Variants in NHLRC2 observed in about 807,000 individuals in gnomAD.
The protein encoded by NHLRC2 is NHL repeat-containing protein 2.
In NHLRC2, 33 loss-of-function variants were observed where a neutral mutation model predicts 68.1. The ratio of observed to expected loss-of-function variants is 0.48; its 90% CI spans 0.37 to 0.65. NHLRC2 has a LOEUF of 0.65. NHLRC2 is among the 30% of genes least tolerant of loss of function. The pLI, the probability that NHLRC2 is intolerant of heterozygous loss-of-function variation, is 0.00. For missense variants in NHLRC2, 761 were observed against 853.8 expected (o/e 0.89, Z 1.35); for synonymous variants, 311 against 309.6 (o/e 1.00, Z -0.05).
In NHLRC2 at chr10:113,913,199, G is replaced by A. The variant is rs1460248134; in HGVS notation, c.*4663G>A. The A allele has an allele frequency of 6.6e-6, 1 of 152,106 alleles. No individual in the cohort carries two copies. The highest frequency in any genetic ancestry group is 1.5e-5 in the Non-Finnish European group (1 of 68,014). 9.4% of individuals were successfully genotyped at this position (152,106 alleles called of 1,614,324 possible). On this transcript the variant is annotated 3_prime_UTR_variant, in exon 11 of 11. Coordinates refer to ENST00000369301, the MANE Select transcript of NHLRC2 (RefSeq NM_198514.4). ...AATCACACATTTAGCGAGTGGCAGG[G>A]CCTGGATGGGAGTCTGTTCAACTCT...
intron 2 of NHLRC2, among the ~76,000 whole-genome samples, chr10:113,871,911 G>T (rs945692065): frequency 6.6e-6 from 1 of 152,150 alleles, no homozygotes; most frequent in Non-Finnish European, 1.5e-5. Context: ...TTCCCATAAA[G>T]GTTCTATTGC....
At chr10:113,858,755 A>G (rs1006735942) in intron 2 of NHLRC2, 75 bp downstream of exon 2, 15 of 1,011,524 alleles carry the variant, frequency 1.5e-5, no homozygotes, top group African/African-American at 4.9e-5. Flanking sequence ...TCATTAGCTC[A>G]TAGGAGAATG....
At chr10:113,896,464 AATGAG>A (rs1846178635) in intron 5 of NHLRC2, among the ~76,000 whole-genome samples, 1 of 143,696 alleles carries the variant, frequency 7.0e-6, no homozygotes, top group Admixed American at 7.4e-5. Flanking sequence ...GGAATTGAAC[AATGAG>A]AACACATGGA....
chr10:113,890,897 G>A (rs1241031966), intron 5 of NHLRC2, among the ~76,000 whole-genome samples: 1 of 152,148 alleles, frequency 6.6e-6, no homozygotes, highest in Non-Finnish European at 1.5e-5. Flanking sequence ...AGCAGAAGAT[G>A]AGGAGGAAAC....
In NHLRC2 at chr10:113,898,105, T is replaced by C; in HGVS notation, c.1040-5T>C. The C allele has an allele frequency of 6.3e-7, 1 of 1,579,140 alleles. No homozygotes were observed. The highest frequency in any genetic ancestry group is 8.7e-7 in the Non-Finnish European group (1 of 1,150,784). On this transcript the variant is annotated splice_polypyrimidine_tract_variant and splice_region_variant and intron_variant, in intron 5 of 10. Transcript: ENST00000369301. ...ATATAATAATAATGATTTATTTTTA[T>C]AAAGGTTCAGAGGTCCAAAGAGGTG...
intron 5 of NHLRC2, among the ~76,000 whole-genome samples, chr10:113,896,727 A>T (rs901389541): frequency 6.6e-6 from 1 of 152,140 alleles, no homozygotes; most frequent in Non-Finnish European, 1.5e-5. Flanking sequence ...ATGGTGGCTC[A>T]TGAGCGCCTG....
intron 8 of NHLRC2, 93 bp downstream of exon 8, chr10:113,902,686 A>T: frequency 9.4e-7 from 1 of 1,062,970 alleles, no homozygotes; most frequent in East Asian, 2.4e-5. Flanking sequence ...CTGCCACTCT[A>T]AAATATAGAA....
At chr10:113,899,653 G>C (rs1460363009) in intron 6 of NHLRC2, among the ~76,000 whole-genome samples, 2 of 152,018 alleles carry the variant, frequency 1.3e-5, no homozygotes, top group African/African-American at 4.8e-5. Context: ...GGTGCGGTGG[G>C]TCACGCCTGT....
At position 113,854,917 on chromosome 10, in the gene NHLRC2, C is replaced by T. The variant is rs754581706; in HGVS notation, c.45C>T (p.Leu15=). Reference sequence around the variant, plus strand: ...GGGGCCGCAGCCTCTCCGGCCTGCTCCCCGCGCAGACCTCGCTAGAGTACG... The same window carrying T: ...GGGGCCGCAGCCTCTCCGGCCTGCTTCCCGCGCAGACCTCGCTAGAGTACG... ...GGRGRSLSGL[L]PAQTSLEYAL... is the part of the protein sequence containing the mutation. The change falls in exon 1 of 11, where the codon CTC becomes CTT. Residue 15 remains leucine, a synonymous_variant. Coordinates refer to ENST00000369301, the MANE Select transcript of NHLRC2 (RefSeq NM_198514.4). The T allele has an allele frequency of 4.5e-6, 7 of 1,553,324 alleles. No homozygotes were observed. Among genetic ancestry groups the T allele is most frequent in the South Asian group, 3.6e-5 (3 of 84,190 alleles).
chr10:113,861,562 G>A (rs1845817139), intron 2 of NHLRC2, among the ~76,000 whole-genome samples: 1 of 152,170 alleles, frequency 6.6e-6, no homozygotes, highest in Admixed American at 6.5e-5. Flanking sequence ...CTGGCAAACT[G>A]TCCTTCAAAG....
intron 10 of NHLRC2, among the ~76,000 whole-genome samples, chr10:113,905,575 A>C (rs1846268713): frequency 6.6e-6 from 1 of 152,138 alleles, no homozygotes; most frequent in Non-Finnish European, 1.5e-5. Context: ...GTGGACAAAA[A>C]TTTTAAAGTG....
chr10:113,869,685 C>T (rs1387668159), intron 2 of NHLRC2, among the ~76,000 whole-genome samples: 2 of 152,034 alleles, frequency 1.3e-5, no homozygotes, highest in African/African-American at 2.4e-5. Flanking sequence ...ATATATTTAT[C>T]AGTAGGAAAA....
intron 6 of NHLRC2, among the ~76,000 whole-genome samples, chr10:113,898,432 C>G (rs1469621003): frequency 6.6e-6 from 1 of 152,198 alleles, no homozygotes; most frequent in Admixed American, 6.5e-5. Context: ...ATGAAACAGC[C>G]TGGAGCTTTC....
intron 2 of NHLRC2, among the ~76,000 whole-genome samples, chr10:113,874,340 G>A (rs912825035): frequency 6.6e-6 from 1 of 151,988 alleles, no homozygotes. Flanking sequence ...CAAGGTAACA[G>A]GTGTGCAGTC....
At chr10:113,879,231 C>T (rs546448440) in intron 3 of NHLRC2, among the ~76,000 whole-genome samples, 1 of 152,052 alleles carries the variant, frequency 6.6e-6, no homozygotes, top group Non-Finnish European at 1.5e-5. Flanking sequence ...ATTGTATTAT[C>T]CAAGGAGCAT....
At chr10:113,856,347 C>T (rs949894676) in intron 1 of NHLRC2, among the ~76,000 whole-genome samples, 1 of 152,180 alleles carries the variant, frequency 6.6e-6, no homozygotes, top group Non-Finnish European at 1.5e-5. Context: ...CCTCCGACAA[C>T]AGAGTATTGG....
Position 113,912,007 on chromosome 10 carries a change from AT to A in NHLRC2, c.*3473del, listed in dbSNP as rs1846334770. The A allele has an allele frequency of 6.6e-6, 1 of 152,150 alleles. No homozygotes were observed. Among genetic ancestry groups the A allele is most frequent in the Admixed American group, 6.5e-5 (1 of 15,274 alleles). 9.4% of individuals were successfully genotyped at this position (152,150 alleles called of 1,614,324 possible). Reference sequence around the variant, plus strand: ...TAATAACTTTTTAAAAGTCATTTTTATTACCAGAGCTCAGAACATTGTTTGG... The same window carrying A: ...TAATAACTTTTTAAAAGTCATTTTTATACCAGAGCTCAGAACATTGTTTGG... On this transcript the variant is annotated 3_prime_UTR_variant, in exon 11 of 11. Transcript: ENST00000369301.
intron 2 of NHLRC2, among the ~76,000 whole-genome samples, chr10:113,874,438 G>C (rs1046271174): frequency 7.9e-5 from 8 of 101,540 alleles, no homozygotes; most frequent in Non-Finnish European, 1.6e-4. Flanking sequence ...TTCAAGGCAT[G>C]TGTTTGTGTG....
At position 113,902,559 on chromosome 10, in the gene NHLRC2, ATTTAC is replaced by A. The variant is rs1394183095; in HGVS notation, c.1465_1469del (p.Leu489CysfsTer10). 6.8e-6 allele frequency: 11 copies of A among 1,610,114 alleles called. No homozygotes were observed. The highest frequency in any genetic ancestry group is 1.7e-5 in the Admixed American group (1 of 59,184). On this transcript the variant is annotated frameshift_variant, in exon 8 of 11. Coordinates refer to ENST00000369301, the MANE Select transcript of NHLRC2 (RefSeq NM_198514.4). LOFTEE classifies it high-confidence loss of function. The stretch of plus-strand genomic sequence containing the variant: ...GGAGTAACATGGGACAAAAAAAGGA[ATTTAC>A]TTTATGTTGCAGACTCCTACAATCA...
Sources: allele counts gnomAD v4.1 joint callset (sites outside exome capture counted in the v4.1 genomes callset), GRCh38; gene constraint gnomAD v4.1.1; transcripts MANE v1.5; gene names NCBI Gene and HGNC (gene_info 2026-07-23, HGNC 2026-07-21).